Variants in LRMDA observed in about 807,000 individuals in gnomAD.
The protein encoded by LRMDA is leucine rich melanocyte differentiation associated, also known as leucine-rich melanocyte differentiation-associated protein.
Under a neutral mutation model 29.8 loss-of-function variants are expected in LRMDA, and 18 were observed. That is an observed-to-expected ratio of 0.60 (90% CI 0.42 to 0.90). The LOEUF (loss-of-function observed/expected upper bound fraction) is 0.90. Ranked by LOEUF, LRMDA falls within the 40% of genes least tolerant of loss-of-function variation. LRMDA has a pLI of 0.00. For missense variants in LRMDA, 273 were observed against 273.9 expected (o/e 1.00, Z 0.02); for synonymous variants, 125 against 109.4 (o/e 1.14, Z -0.89).
chr10:75,672,241 A>G (rs1330781377), intron 2 of LRMDA, among the ~76,000 whole-genome samples: 1 of 152,090 alleles, frequency 6.6e-6, no homozygotes, highest in Non-Finnish European at 1.5e-5. Flanking sequence ...TGGCTCTGAG[A>G]TGAGTGGCCT....
At chr10:76,302,900 CA>C (rs1253648830) in intron 5 of LRMDA, among the ~76,000 whole-genome samples, 8 of 152,170 alleles carry the variant, frequency 5.3e-5, no homozygotes, top group Non-Finnish European at 1.0e-4. Context: ...CACAACGCAA[CA>C]AAACCCCTTT....
chr10:75,777,173 A>C (rs1843324158), intron 2 of LRMDA, among the ~76,000 whole-genome samples: 2 of 152,216 alleles, frequency 1.3e-5, no homozygotes, highest in African/African-American at 4.8e-5. Context: ...CGAGCTGTGC[A>C]GGGCTGGTGG....
intron 2 of LRMDA, among the ~76,000 whole-genome samples, chr10:76,006,414 G>A (rs148323219): frequency 6.6e-6 from 1 of 152,288 alleles, no homozygotes; most frequent in Non-Finnish European, 1.5e-5. Flanking sequence ...AGACCGGCTG[G>A]CTAGTGTAGG....
intron 2 of LRMDA, among the ~76,000 whole-genome samples, chr10:75,916,421 C>T (rs1001867577): frequency 2.6e-5 from 4 of 152,064 alleles, no homozygotes; most frequent in African/African-American, 9.7e-5. Context: ...GCAGCCCCTA[C>T]CTGGATGGGA....
intron 2 of LRMDA, among the ~76,000 whole-genome samples, chr10:75,671,629 C>A (rs1341284612): frequency 6.6e-6 from 1 of 152,016 alleles, no homozygotes; most frequent in Non-Finnish European, 1.5e-5. Flanking sequence ...CACACCAGGG[C>A]CTGTCGTGGG....
chr10:75,549,150 T>G (rs1367285), intron 2 of LRMDA, among the ~76,000 whole-genome samples: 1 of 151,950 alleles, frequency 6.6e-6, no homozygotes, highest in Non-Finnish European at 1.5e-5. Flanking sequence ...ATTACTAGCT[T>G]GTTTCTTTTT....
intron 5 of LRMDA, among the ~76,000 whole-genome samples, chr10:76,216,085 G>A (rs866906130): frequency 3.3e-5 from 5 of 152,340 alleles, no homozygotes; most frequent in Admixed American, 1.3e-4. Context: ...CAAATGTGGT[G>A]GCTCATGCCT....
chr10:76,152,040 A>C (rs1850454916), intron 5 of LRMDA, among the ~76,000 whole-genome samples: 1 of 152,168 alleles, frequency 6.6e-6, no homozygotes, highest in Non-Finnish European at 1.5e-5. Flanking sequence ...TAGAACATAA[A>C]ATTCTTCGTT....
chr10:75,577,195 A>G (rs1840517133), intron 2 of LRMDA, among the ~76,000 whole-genome samples: 1 of 152,198 alleles, frequency 6.6e-6, no homozygotes, highest in Non-Finnish European at 1.5e-5. Context: ...AAGAACATAT[A>G]TGACCTGATG....
intron 2 of LRMDA, among the ~76,000 whole-genome samples, chr10:75,739,365 A>G (rs2132207672): frequency 6.6e-6 from 1 of 152,214 alleles, no homozygotes; most frequent in Non-Finnish European, 1.5e-5. Flanking sequence ...TCGCTCATGA[A>G]TAATTAAAAA....
At chr10:75,585,280 T>C (rs1840643352) in intron 2 of LRMDA, among the ~76,000 whole-genome samples, 2 of 152,254 alleles carry the variant, frequency 1.3e-5, no homozygotes, top group Admixed American at 1.3e-4. Context: ...CTTGCTTCAT[T>C]TGTTCAACAC....
intron 2 of LRMDA, among the ~76,000 whole-genome samples, chr10:75,757,195 C>T (rs1181326436): frequency 1.3e-5 from 2 of 152,168 alleles, no homozygotes; most frequent in East Asian, 3.8e-4. Context: ...ACGTAAAATC[C>T]CTCTCCTTTA....
At chr10:75,817,019 C>T (rs974154614) in intron 2 of LRMDA, among the ~76,000 whole-genome samples, 2 of 152,152 alleles carry the variant, frequency 1.3e-5, no homozygotes, top group African/African-American at 4.8e-5. Context: ...AAACTGGGAA[C>T]AGAAAATTTG....
At chr10:75,526,283 T>A (rs1001516641) in intron 2 of LRMDA, among the ~76,000 whole-genome samples, 1 of 152,004 alleles carries the variant, frequency 6.6e-6, no homozygotes, top group Non-Finnish European at 1.5e-5. Context: ...CAGGCTGGTT[T>A]CAAACTCCTA....
At chr10:75,995,450 G>A (rs957143926) in intron 2 of LRMDA, among the ~76,000 whole-genome samples, 5 of 152,146 alleles carry the variant, frequency 3.3e-5, no homozygotes, top group African/African-American at 9.7e-5. Context: ...GTTGCAACTG[G>A]TCATCTTTGT....
At chr10:75,846,421 G>T (rs891963955) in intron 2 of LRMDA, among the ~76,000 whole-genome samples, 2 of 152,106 alleles carry the variant, frequency 1.3e-5, no homozygotes, top group Non-Finnish European at 2.9e-5. Flanking sequence ...TGGTAAAATT[G>T]TTTTTATCAA....
At chr10:76,019,123 C>A (rs1370182388) in intron 2 of LRMDA, among the ~76,000 whole-genome samples, 3 of 152,120 alleles carry the variant, frequency 2.0e-5, no homozygotes, top group Non-Finnish European at 4.4e-5. Context: ...ATTTTATGGT[C>A]ATCTTACCCT....
chr10:75,794,106 T>C (rs1009198729), intron 2 of LRMDA, among the ~76,000 whole-genome samples: 9 of 152,256 alleles, frequency 5.9e-5, no homozygotes, highest in African/African-American at 2.2e-4. Flanking sequence ...GGGGGCTATT[T>C]GTTACCACCA....
chr10:76,211,684 G>A (rs1050647315), intron 5 of LRMDA, among the ~76,000 whole-genome samples: 2 of 152,250 alleles, frequency 1.3e-5, no homozygotes, highest in Admixed American at 6.5e-5. Flanking sequence ...GTTGTTGGGA[G>A]TGTCTTTTTA....
Sources: gnomAD v4.1 joint callset for allele counts (sites outside exome capture counted in the v4.1 genomes callset) on GRCh38, gnomAD v4.1.1 for gene constraint, MANE v1.5 for transcripts, NCBI Gene and HGNC (gene_info 2026-07-23, HGNC 2026-07-21) for gene names.